The following SRPK1 variants were observed in gnomAD, a reference collection of about 807,000 sequenced individuals.
SRPK1 encodes the protein SFRS protein kinase 1.
Under a neutral mutation model 89.5 loss-of-function variants are expected in SRPK1, and 52 were observed. The ratio of observed to expected loss-of-function variants is 0.58; its 90% CI spans 0.46 to 0.73. The LOEUF (loss-of-function observed/expected upper bound fraction) is 0.73. Among genes scored for constraint, SRPK1 ranks in the 30% least tolerant of loss-of-function variants. SRPK1 has a pLI of 0.00. For synonymous variants in SRPK1, 255 were observed against 270.2 expected (o/e 0.94, Z 0.55); for missense variants, 603 against 780.6 (o/e 0.77, Z 2.71).
intron 2 of SRPK1, among the ~76,000 whole-genome samples, chr6:35,914,978 C>G (rs1771056294): frequency 6.6e-6 from 1 of 151,936 alleles, no homozygotes; most frequent in African/African-American, 2.4e-5. Flanking sequence ...TTTGTATTTC[C>G]AGAAGCAGGG....
intron 12 of SRPK1, among the ~76,000 whole-genome samples, chr6:35,866,025 A>C (rs1157626352): frequency 1.3e-5 from 2 of 151,896 alleles, no homozygotes; most frequent in East Asian, 1.9e-4. Flanking sequence ...TAAAAAAAAA[A>C]CCAAATAATC....
intron 12 of SRPK1, among the ~76,000 whole-genome samples, chr6:35,867,901 C>T (rs1338768302): frequency 6.6e-6 from 1 of 152,186 alleles, no homozygotes. Flanking sequence ...TGAGATTCCA[C>T]TATTTAGCCT....
Position 35,834,622 on chromosome 6 carries a change from G to T in SRPK1, c.*682C>A, listed in dbSNP as rs956397442. The T allele has an allele frequency of 2.6e-5, 4 of 152,110 alleles. No individual in the cohort carries two copies. Among genetic ancestry groups the T allele is most frequent in the Non-Finnish European group, 4.4e-5 (3 of 68,024 alleles). The allele number at this position is 152,110 out of a possible 1,614,324, so 9.4% of individuals were successfully genotyped here. A position where few individuals can be genotyped will look rare whatever the true frequency, so the allele number is the denominator to read the frequency against. On this transcript the variant is annotated 3_prime_UTR_variant, in exon 16 of 16. Transcript: ENST00000373825. ...GTTCTCAAGAAATTACTATTCAATG[G>T]TTCTGTTTTTGCTTACATTAAAAAT...
chr6:35,883,563 G>A (rs1443120199), intron 6 of SRPK1, among the ~76,000 whole-genome samples: 3 of 151,906 alleles, frequency 2.0e-5, no homozygotes, highest in South Asian at 2.1e-4. Context: ...ATTACAATTT[G>A]AAAATGTTTT....
chr6:35,849,910 T>C (rs73404056), intron 13 of SRPK1, among the ~76,000 whole-genome samples: 9,861 of 152,118 alleles, frequency 0.065, 925 homozygotes, highest in African/African-American at 0.21. Context: ...TCATTTGCAG[T>C]GACATGGATG....
intron 13 of SRPK1, among the ~76,000 whole-genome samples, chr6:35,853,055 C>T (rs1398101306): frequency 6.6e-6 from 1 of 152,090 alleles, no homozygotes; most frequent in Non-Finnish European, 1.5e-5. Context: ...GTCTGTGCAA[C>T]ATAGCAAGAC....
At chr6:35,920,955 C>T (rs1383257428) in intron 1 of SRPK1, 89 bp downstream of exon 1, 5 of 1,442,560 alleles carry the variant, frequency 3.5e-6, no homozygotes, top group Non-Finnish European at 4.7e-6. Context: ...GGAACCGAAC[C>T]GCGGCAGTTA....
chr6:35,864,498 C>G (rs1769852602), intron 12 of SRPK1, among the ~76,000 whole-genome samples: 1 of 152,134 alleles, frequency 6.6e-6, no homozygotes, highest in Non-Finnish European at 1.5e-5. Flanking sequence ...GCTACAAGAG[C>G]ATCTCACCCC....
At chr6:35,920,657 C>G in intron 1 of SRPK1, 129 bp from the exon 2 acceptor site, 1 of 566,412 alleles carries the variant, frequency 1.8e-6, no homozygotes, top group Non-Finnish European at 2.4e-6. Context: ...CGGGCTCCGG[C>G]GAGGCGGCCG....
At chr6:35,840,542 C>T (rs946997631) in intron 14 of SRPK1, among the ~76,000 whole-genome samples, 4 of 152,158 alleles carry the variant, frequency 2.6e-5, no homozygotes, top group Non-Finnish European at 5.9e-5. Context: ...AAATATTGGT[C>T]CTTTAAATAT....
intron 15 of SRPK1, 130 bp downstream of exon 15, chr6:35,838,207 T>C (rs1257066308): frequency 3.0e-6 from 2 of 663,542 alleles, no homozygotes; most frequent in Non-Finnish European, 2.3e-6. Flanking sequence ...CTCTTTTTTA[T>C]CTCTTTGCTA....
At chr6:35,900,966 C>A (rs1770728322) in intron 2 of SRPK1, among the ~76,000 whole-genome samples, 2 of 151,970 alleles carry the variant, frequency 1.3e-5, no homozygotes. Context: ...CCAGCCTGAG[C>A]AACACAGTGA....
chr6:35,885,290 CACACACACAGAG>C (rs1290154223), intron 6 of SRPK1, among the ~76,000 whole-genome samples: 5 of 135,472 alleles, frequency 3.7e-5, no homozygotes, highest in Non-Finnish European at 8.1e-5. Flanking sequence ...CACACACACA[CACACACACAGAG>C]AGAGAGAGAG....
rs1554152654 is a variant in SRPK1, at chr6:35,880,742, A to AGAAAG, written c.478+5981_478+5982insCTTTC. Among the ~76,000 whole-genome samples the AGAAAG allele has an allele frequency of 7.1e-5, 2 of 28,194 alleles. 1 individual carries two copies. Among genetic ancestry groups the AGAAAG allele is most frequent in the Non-Finnish European group, 1.1e-4 (2 of 17,712 alleles). The allele number at this position is 28,194 out of a possible 152,430, so 18.5% of individuals were successfully genotyped here. ...CTCAAAAAAAAAAAAAAAGAAAAAA[A>AGAAAG]AAAAAAAAGAAAAGAAAAGAAGAAG... On this transcript the variant is annotated intron_variant, in intron 6 of 15. Coordinates refer to ENST00000373825, the MANE Select transcript of SRPK1 (RefSeq NM_003137.5).
Position 35,872,577 on chromosome 6 carries a change from G to A in SRPK1, c.737C>T (p.Pro246Leu), listed in dbSNP as rs1178399330. The A allele has an allele frequency of 1.2e-6, 2 of 1,604,490 alleles. No individual in the cohort carries two copies. Among genetic ancestry groups the A allele is most frequent in the East Asian group, 2.2e-5 (1 of 44,522 alleles). The part of the protein sequence containing the change: ...TEWQRSGAPP[P>L]SGSAVSTAPQ... The stretch of plus-strand genomic sequence containing the variant: ...AGAAAATACACCTGCAGATCCGGAA[G>A]GCGGAGGAGCTCCAGATCGCTGCCA... The change falls in exon 8 of 16, where the codon CCT becomes CTT. Residue 246 changes from proline to leucine, a missense_variant. By Grantham distance (98) the Pro-to-Leu change is moderately conservative (BLOSUM62 -3). Coordinates refer to ENST00000373825, the MANE Select transcript of SRPK1 (RefSeq NM_003137.5).
At chr6:35,913,650 T>A (rs990506320) in intron 2 of SRPK1, among the ~76,000 whole-genome samples, 1 of 151,654 alleles carries the variant, frequency 6.6e-6, no homozygotes, top group East Asian at 2.0e-4. Context: ...ATATAAAAAT[T>A]AGCCAGGTGT....
chr6:35,891,916 T>C (rs1385870567), intron 2 of SRPK1, among the ~76,000 whole-genome samples: 1 of 152,172 alleles, frequency 6.6e-6, no homozygotes, highest in Non-Finnish European at 1.5e-5. Flanking sequence ...TAAGTAGGGG[T>C]TAAAACATTC....
chr6:35,879,900 C>T (rs139402387), intron 6 of SRPK1, among the ~76,000 whole-genome samples: 1 of 151,838 alleles, frequency 6.6e-6, no homozygotes, highest in African/African-American at 2.4e-5. Context: ...AGTGAGACTC[C>T]ATCTCTACAA....
intron 7 of SRPK1, 97 bp from the exon 8 acceptor site, chr6:35,872,825 A>C: frequency 1.8e-6 from 2 of 1,115,024 alleles, no homozygotes; most frequent in Non-Finnish European, 2.4e-6. Flanking sequence ...AAAAAAAGAT[A>C]TGATAGCGTT....
Sources: gnomAD v4.1 joint callset for allele counts (sites outside exome capture counted in the v4.1 genomes callset) on GRCh38, gnomAD v4.1.1 for gene constraint, MANE v1.5 for transcripts, NCBI Gene and HGNC (gene_info 2026-07-23, HGNC 2026-07-21) for gene names.